Variants in FRMPD2 observed in about 807,000 individuals in gnomAD.
The protein encoded by FRMPD2 is FERM and PDZ domain containing 2.
Under a neutral mutation model 140.1 loss-of-function variants are expected in FRMPD2, and 96 were observed. The ratio of observed to expected loss-of-function variants is 0.69; its 90% confidence interval spans 0.58 to 0.81. FRMPD2 has a LOEUF of 0.81. FRMPD2 is among the 40% of genes least tolerant of loss of function. The pLI is 0.00. For synonymous variants in FRMPD2, 449 were observed against 547.6 expected, an observed-to-expected ratio of 0.82 and a Z score of 2.52; for missense variants, 1,240 against 1,447.4, an observed-to-expected ratio of 0.86 and a Z score of 2.32.
Position 48,232,244 on chromosome 10 carries a change from C to T in FRMPD2, c.1039G>A (p.Val347Ile). ...TCCAGGTGCTGCCCGTTCAGCAGGA[C>T]CACACAGAGGTCCCTGAGAGCCAAA... ...SYLALRDLCV[V>I]LLNGQHLEVK... The change falls in exon 10 of 29, where the codon GTC becomes ATC. Residue 347 changes from valine to isoleucine, a missense_variant. This residue lies in a region of FRMPD2 where 1,161 missense variants were observed against 1,055.9 expected (regional missense o/e 1.10). Coordinates refer to ENST00000374201, the MANE Select transcript of FRMPD2 (RefSeq NM_001018071.4). 4 of 1,614,120 alleles carry T rather than the reference C, an allele frequency of 2.5e-6. No homozygotes were observed. In the South Asian group the frequency reaches 3.3e-5, roughly 13 times the overall value.
intron 24 of FRMPD2, among the ~76,000 whole-genome samples, chr10:48,174,130 A>G (rs1210490708): frequency 1.3e-5 from 2 of 152,220 alleles, no homozygotes. Context: ...AAGAAAGCGA[A>G]AAGTGGCCAG....
intron 12 of FRMPD2, among the ~76,000 whole-genome samples, chr10:48,216,225 A>C (rs1839444296): frequency 6.6e-6 from 1 of 152,178 alleles, no homozygotes; most frequent in Non-Finnish European, 1.5e-5. Flanking sequence ...GACAGACAGA[A>C]AGACATATAG....
In FRMPD2 at chr10:48,184,699, T is replaced by G. The variant is rs1273647566; in HGVS notation, c.2468-17A>C. The G allele has an allele frequency of 1.3e-6, 2 of 1,596,496 alleles. No homozygotes were observed. Among genetic ancestry groups the G allele is most frequent in the Admixed American group, 1.7e-5 (1 of 59,522 alleles). On this transcript the variant is annotated splice_polypyrimidine_tract_variant and intron_variant, in intron 19 of 28. Transcript: ENST00000374201. ...TCTGCCCTCCTAGAAAAATAAAACA[T>G]CTCAATAATCCTTCAAGGAAATAAA... is the stretch of plus-strand genomic sequence containing the variant.
At chr10:48,237,478 T>C (rs1417096266) in intron 8 of FRMPD2, among the ~76,000 whole-genome samples, 1 of 152,196 alleles carries the variant, frequency 6.6e-6, no homozygotes, top group Non-Finnish European at 1.5e-5. Context: ...TGAGGCTATT[T>C]GGAGCTCAGC....
At position 48,184,812 on chromosome 10, in the gene FRMPD2, G is replaced by T. The variant is rs1402060818; in HGVS notation, c.2429C>A (p.Pro810His). Residue 810 changes from proline to histidine, a missense_variant, in exon 19 of 29, where the codon CCT (proline) becomes CAT (histidine). Pro to His is a moderately conservative substitution (Grantham distance 77, BLOSUM62 -2). Around this residue, in one of 6 missense-constraint regions of FRMPD2, gnomAD observed 1,161 missense variants for 1,055.9 expected, o/e 1.10. Transcript: ENST00000374201. ...DPGIFISSII[P>H]GGPAEKAKTI... Reference sequence around the variant, plus strand: ...TTTTGCTTTTTCTGCTGGTCCTCCAGGTATAATAGAAGATATAAAAATGCC... The same window carrying T: ...TTTTGCTTTTTCTGCTGGTCCTCCATGTATAATAGAAGATATAAAAATGCC... 1 of 1,613,870 alleles carries T rather than the reference G, an allele frequency of 6.2e-7. No homozygotes were observed. Among genetic ancestry groups the T allele is most frequent in the South Asian group, 1.1e-5 (1 of 90,988 alleles).
In FRMPD2 at chr10:48,232,167, T is replaced by G; in HGVS notation, c.1116A>C (p.Thr372=). The change falls in exon 10 of 29, where the codon ACA becomes ACC. Residue 372 remains threonine, a synonymous_variant. Coordinates refer to ENST00000374201, the MANE Select transcript of FRMPD2 (RefSeq NM_001018071.4). ...TGAGTTCCTCGAGGTTGGCAAAGGA[T>G]GTCACGGCATTGAAGACAGCTCCCA... The part of the protein sequence containing the change: ...STVGAVFNAV[T]SFANLEELTY... 1 of 1,614,208 alleles carries G rather than the reference T, an allele frequency of 6.2e-7. No homozygotes were observed.
intron 7 of FRMPD2, among the ~76,000 whole-genome samples, chr10:48,238,722 C>T (rs1353308841): frequency 6.6e-6 from 1 of 152,200 alleles, no homozygotes. Flanking sequence ...CGTTCCAGGT[C>T]CAGGAAGATA....
chr10:48,260,630 A>G (rs1840571009), intron 1 of FRMPD2, among the ~76,000 whole-genome samples: 1 of 152,228 alleles, frequency 6.6e-6, no homozygotes, highest in East Asian at 1.9e-4. Context: ...CAGCTATAGC[A>G]AACAGTAAAC....
intron 1 of FRMPD2, among the ~76,000 whole-genome samples, chr10:48,272,140 G>T (rs1223377294): frequency 6.6e-6 from 1 of 152,154 alleles, no homozygotes. Context: ...TTTTTAATAA[G>T]TCCAACATTT....
At position 48,232,217 on chromosome 10, in the gene FRMPD2, C is replaced by T. The variant is rs1324514816; in HGVS notation, c.1066G>A (p.Val356Ile). The T allele has an allele frequency of 9.9e-6, 16 of 1,614,060 alleles. No homozygotes were observed. Among genetic ancestry groups the T allele is most frequent in the Non-Finnish European group, 1.4e-5 (16 of 1,180,020 alleles). Residue 356 changes from valine (V) to isoleucine (I), a missense_variant, in exon 10 of 29, where the codon GTA (valine) becomes ATA (isoleucine). Transcript: ENST00000374201. ...ACTGTTGATTCAACATCACATTTTA[C>T]CTCCAGGTGCTGCCCGTTCAGCAGG... The part of the protein sequence containing the change: ...VVLLNGQHLE[V>I]KCDVESTVGA...
intron 14 of FRMPD2, among the ~76,000 whole-genome samples, chr10:48,204,941 T>TGTC (rs1839172080): frequency 6.6e-6 from 1 of 152,206 alleles, no homozygotes; most frequent in South Asian, 2.1e-4. Context: ...TCTTTGGAAA[T>TGTC]GTCATCTTTC....
At chr10:48,249,783 G>A (rs1018825626) in intron 2 of FRMPD2, among the ~76,000 whole-genome samples, 8 of 152,136 alleles carry the variant, frequency 5.3e-5, no homozygotes, top group African/African-American at 1.2e-4. Flanking sequence ...AGTCATCCTT[G>A]GATACCGCTA....
At chr10:48,186,583 G>A (rs1160371204) in intron 17 of FRMPD2, among the ~76,000 whole-genome samples, 1 of 152,100 alleles carries the variant, frequency 6.6e-6, no homozygotes, top group East Asian at 1.9e-4. Flanking sequence ...CATGTAAGAA[G>A]TGCCTTTCAC....
rs577274413 is a variant in FRMPD2, at chr10:48,170,858, C to T, written c.3438+136G>A. 5.2e-3 allele frequency: 3,901 copies of T among 754,414 alleles called. 120 individuals are homozygous for T. The South Asian group carries it at 0.053, about 10-fold the overall frequency. 46.7% of individuals were successfully genotyped at this position (754,414 alleles called of 1,614,324 possible). A position where few individuals can be genotyped will look rare whatever the true frequency, so the allele number is the denominator to read the frequency against. On this transcript the variant is annotated intron_variant, in intron 26 of 28. Transcript: ENST00000374201. ...ATGTGAGCATGTACCACTAATTACTCTCTTTGTGTGATTAAAATCCGGGCT... is the reference window on the plus strand; with the variant it reads ...ATGTGAGCATGTACCACTAATTACTTTCTTTGTGTGATTAAAATCCGGGCT...
At chr10:48,203,551 G>A (rs1390695271) in intron 14 of FRMPD2, among the ~76,000 whole-genome samples, 1 of 152,116 alleles carries the variant, frequency 6.6e-6, no homozygotes, top group African/African-American at 2.4e-5. Flanking sequence ...CATGGCAGGT[G>A]CTTCTGTAAC....
At chr10:48,167,574 G>A (rs1366714837) in intron 27 of FRMPD2, among the ~76,000 whole-genome samples, 1 of 118,036 alleles carries the variant, frequency 8.5e-6, no homozygotes, top group Non-Finnish European at 1.8e-5. Context: ...CCCCACCTCA[G>A]TCACCCTCAC....
rs1840385724 is a variant in FRMPD2 at position 48,251,653 on chromosome 10, G to A, written c.64C>T (p.Gln22Ter). Residue 22 changes from glutamine to a stop codon, truncating the protein, a stop_gained, in exon 2 of 29, where the codon CAG becomes TAG. Transcript: ENST00000374201. LOFTEE classifies it high-confidence loss of function. The part of the protein sequence containing the change: ...LSSVTLASAL[Q>*]VRGEALSEEE... ...TCAGACAGAGCTTCACCCCTGACCTGTAGGGCGCTGGCCAGCGTCACAGAG... is the reference window on the plus strand; with the variant it reads ...TCAGACAGAGCTTCACCCCTGACCTATAGGGCGCTGGCCAGCGTCACAGAG... 1 of 1,614,216 alleles carries A rather than the reference G, an allele frequency of 6.2e-7. No individual in the cohort carries two copies. The highest frequency in any genetic ancestry group is 8.5e-7 in the Non-Finnish European group (1 of 1,180,014).
At chr10:48,185,092 A>G (rs1838647560) in intron 18 of FRMPD2, among the ~76,000 whole-genome samples, 1 of 152,232 alleles carries the variant, frequency 6.6e-6, no homozygotes, top group Non-Finnish European at 1.5e-5. Flanking sequence ...AAGCACAGCT[A>G]AAGCTAGGAA....
intron 16 of FRMPD2, among the ~76,000 whole-genome samples, chr10:48,191,635 T>G (rs1234511587): frequency 6.6e-6 from 1 of 152,174 alleles, no homozygotes; most frequent in Non-Finnish European, 1.5e-5. Flanking sequence ...TCAGTTCAAA[T>G]GAATCATCCA....
Sources: allele counts gnomAD v4.1 joint callset (sites outside exome capture counted in the v4.1 genomes callset), GRCh38; gene constraint gnomAD v4.1.1; regional missense constraint gnomAD v4.1.1; transcripts MANE v1.5; gene names NCBI Gene and HGNC (gene_info 2026-07-23, HGNC 2026-07-21).